PDE4D: variants seen among roughly 807,000 people sequenced by gnomAD.
PDE4D encodes 3',5'-cyclic-AMP phosphodiesterase 4D.
A neutral mutation model predicts 87.4 loss-of-function variants in PDE4D; 24 were observed. That is an observed-to-expected ratio of 0.27 (90% CI 0.20 to 0.39). The LOEUF is 0.39. Among genes scored for constraint, PDE4D ranks in the 10% least tolerant of loss-of-function variants. The pLI is 1.00. For missense variants in PDE4D, 714 were observed against 1,041.0 expected (o/e 0.69, Z 4.32); for synonymous variants, 384 against 383.2 (o/e 1.00, Z -0.02).
intron 1 of PDE4D, among the ~76,000 whole-genome samples, chr5:59,501,689 T>C (rs1269923611): frequency 1.3e-5 from 2 of 152,042 alleles, no homozygotes; most frequent in Non-Finnish European, 2.9e-5. Flanking sequence ...AGGAAAAAGC[T>C]TAAAAAATAT....
chr5:59,395,003 C>A (rs1019882734), intron 1 of PDE4D, among the ~76,000 whole-genome samples: 4 of 152,132 alleles, frequency 2.6e-5, no homozygotes, highest in Non-Finnish European at 4.4e-5. Context: ...CACTCCCACC[C>A]GAATACTGCG....
chr5:60,435,984 A>G (rs963506186), intron 1 of PDE4D, among the ~76,000 whole-genome samples: 2 of 152,116 alleles, frequency 1.3e-5, no homozygotes, highest in African/African-American at 4.8e-5. Flanking sequence ...TACCAAGGCT[A>G]GTAGGGAAAA....
chr5:59,240,838 A>G (rs1405256157), intron 1 of PDE4D, among the ~76,000 whole-genome samples: 1 of 152,000 alleles, frequency 6.6e-6, no homozygotes, highest in African/African-American at 2.4e-5. Context: ...CATAAAGTTC[A>G]GTATAGCCTA....
At chr5:60,462,650 C>A (rs1323223889) in intron 1 of PDE4D, among the ~76,000 whole-genome samples, 1 of 152,176 alleles carries the variant, frequency 6.6e-6, no homozygotes, top group Non-Finnish European at 1.5e-5. Flanking sequence ...ACCAGCTCAA[C>A]AGGTGAGGCC....
chr5:59,059,979 T>G (rs1260779606), intron 5 of PDE4D, among the ~76,000 whole-genome samples: 2 of 152,160 alleles, frequency 1.3e-5, no homozygotes, highest in African/African-American at 4.8e-5. Context: ...ATTCACAGCC[T>G]CCTTGGTTGC....
chr5:59,668,766 AAG>A (rs1746512378), intron 1 of PDE4D, among the ~76,000 whole-genome samples: 1 of 147,962 alleles, frequency 6.8e-6, no homozygotes, highest in African/African-American at 2.6e-5. Context: ...AAGAAGAAAG[AAG>A]AAGAAGAAAG....
At chr5:60,375,355 C>T (rs747425836) in intron 1 of PDE4D, among the ~76,000 whole-genome samples, 1 of 152,068 alleles carries the variant, frequency 6.6e-6, no homozygotes, top group African/African-American at 2.4e-5. Context: ...TTTTGGCATG[C>T]CTTATTTGTA....
chr5:60,210,641 G>T (rs533497601), intron 1 of PDE4D, among the ~76,000 whole-genome samples: 1 of 151,926 alleles, frequency 6.6e-6, no homozygotes, highest in Admixed American at 6.6e-5. Flanking sequence ...TTTTAACCTG[G>T]AAGCTCTTTG....
intron 1 of PDE4D, among the ~76,000 whole-genome samples, chr5:59,267,233 C>A (rs1192413458): frequency 6.6e-6 from 1 of 152,004 alleles, no homozygotes; most frequent in Non-Finnish European, 1.5e-5. Context: ...ACACATTTTA[C>A]AGTAATTTAT....
chr5:60,292,374 G>A (rs1050621913), intron 1 of PDE4D, among the ~76,000 whole-genome samples: 4 of 152,214 alleles, frequency 2.6e-5, no homozygotes, highest in South Asian at 2.1e-4. Flanking sequence ...CAAACATTTC[G>A]AGACATCAAA....
At chr5:59,531,330 T>G (rs1010472595) in intron 1 of PDE4D, among the ~76,000 whole-genome samples, 1 of 152,200 alleles carries the variant, frequency 6.6e-6, no homozygotes, top group Admixed American at 6.5e-5. Flanking sequence ...CTATTCAAAA[T>G]TGCATCCCTA....
At position 58,975,147 on chromosome 5, in the gene PDE4D, T is replaced by A. The variant is rs1743392048; in HGVS notation, c.2014-67A>T. 1.1e-6 allele frequency: 1 copy of A among 935,084 alleles called. No individual in the cohort carries two copies. The highest frequency in any genetic ancestry group is 1.5e-6 in the Non-Finnish European group (1 of 664,022). 57.9% of individuals were successfully genotyped at this position (935,084 alleles called of 1,614,324 possible). On this transcript the variant is annotated intron_variant, in intron 14 of 14. Coordinates refer to ENST00000340635, the MANE Select transcript of PDE4D (RefSeq NM_001104631.2). The surrounding 1 kb of genome is among the most constrained non-coding windows in gnomAD (Gnocchi z 4.2). Reference sequence around the variant, plus strand: ...CTAAGAAACAATGGAAAAGCTTAATTAGATCATGGCCCACAAATAAAACAC... The same window carrying A: ...CTAAGAAACAATGGAAAAGCTTAATAAGATCATGGCCCACAAATAAAACAC...
chr5:59,031,365 A>ATATATATATATATATATATATATATAT (rs1464358185), intron 6 of PDE4D, among the ~76,000 whole-genome samples: 1 of 32,222 alleles, frequency 3.1e-5, no homozygotes, highest in Non-Finnish European at 7.4e-5. Flanking sequence ...AAAATGTGAT[A>ATATATATATATATATATATATATATAT]TATATATATA....
At chr5:60,431,648 G>A (rs1383720003) in intron 1 of PDE4D, among the ~76,000 whole-genome samples, 1 of 151,802 alleles carries the variant, frequency 6.6e-6, no homozygotes, top group African/African-American at 2.4e-5. Flanking sequence ...AGGCAGAGAC[G>A]CTCCTCACTT....
intron 5 of PDE4D, among the ~76,000 whole-genome samples, chr5:59,050,642 C>A (rs1320598194): frequency 1.3e-5 from 2 of 152,256 alleles, no homozygotes; most frequent in East Asian, 3.9e-4. Flanking sequence ...ACAGAAGAAT[C>A]CACAACCTAT....
At chr5:59,600,861 C>T (rs1053970843) in intron 1 of PDE4D, among the ~76,000 whole-genome samples, 3 of 152,198 alleles carry the variant, frequency 2.0e-5, no homozygotes, top group Non-Finnish European at 4.4e-5. Flanking sequence ...AATTTGTGGA[C>T]CCATCATTTC....
chr5:59,565,656 C>T (rs1041561060), intron 1 of PDE4D, among the ~76,000 whole-genome samples: 1 of 152,218 alleles, frequency 6.6e-6, no homozygotes, highest in Non-Finnish European at 1.5e-5. Context: ...TGAGGAAAGG[C>T]AAAGCACCTG....
At chr5:59,095,485 T>C (rs544204016) in intron 5 of PDE4D, among the ~76,000 whole-genome samples, 142 of 152,218 alleles carry the variant, frequency 9.3e-4, no homozygotes, top group African/African-American at 3.3e-3. Flanking sequence ...AGGTTAAACT[T>C]AGGTAACAGT....
intron 1 of PDE4D, among the ~76,000 whole-genome samples, chr5:60,509,390 C>T (rs146776529): frequency 2.1e-4 from 32 of 152,332 alleles, no homozygotes; most frequent in African/African-American, 6.7e-4. Flanking sequence ...CACTGCTTCA[C>T]GCTCGTCCAC....
Sources: allele counts gnomAD v4.1 joint callset (sites outside exome capture counted in the v4.1 genomes callset), GRCh38; gene constraint gnomAD v4.1.1; non-coding constraint Gnocchi (gnomAD v3.1); transcripts MANE v1.5; gene names NCBI Gene and HGNC (gene_info 2026-07-23, HGNC 2026-07-21).